The following PRKCE variants were observed in gnomAD, a reference collection of about 807,000 sequenced individuals.
PRKCE encodes protein kinase C epsilon type.
PRKCE carries 16 observed loss-of-function variants against 85.4 expected under a neutral mutation model. The ratio of observed to expected loss-of-function variants is 0.19; its 90% CI spans 0.13 to 0.28. PRKCE has a LOEUF of 0.28. PRKCE is among the 10% of genes least tolerant of loss of function. The pLI, the probability that PRKCE is intolerant of heterozygous loss-of-function variation, is 1.00. For missense variants in PRKCE, 573 were observed against 975.2 expected (o/e 0.59, Z 5.49); for synonymous variants, 388 against 371.5 (o/e 1.04, Z -0.51).
intron 2 of PRKCE, among the ~76,000 whole-genome samples, chr2:45,850,848 C>A (rs537939183): frequency 6.6e-6 from 1 of 152,292 alleles, no homozygotes; most frequent in East Asian, 1.9e-4. Flanking sequence ...CCCCCTCATC[C>A]TCCATTTCTT....
At chr2:45,950,190 A>G (rs1700529861) in intron 2 of PRKCE, among the ~76,000 whole-genome samples, 1 of 152,242 alleles carries the variant, frequency 6.6e-6, no homozygotes, top group Admixed American at 6.5e-5. Context: ...GTTTTCTGCA[A>G]AAATGAAATT....
chr2:45,820,306 G>C (rs1249264954), intron 1 of PRKCE, among the ~76,000 whole-genome samples: 1 of 152,164 alleles, frequency 6.6e-6, no homozygotes, highest in Non-Finnish European at 1.5e-5. Context: ...GGACCAGCAA[G>C]AAGGATACGG....
In PRKCE at chr2:45,743,255, T is replaced by A. The variant is rs543076773; in HGVS notation, c.348+90807T>A. 2.6e-5 allele frequency among the ~76,000 whole-genome samples: 4 copies of A among 152,204 alleles called. No homozygotes were observed. The East Asian group carries it at 7.7e-4, about 29-fold the overall frequency. On this transcript the variant is annotated intron_variant, in intron 1 of 14. Coordinates refer to ENST00000306156, the MANE Select transcript of PRKCE (RefSeq NM_005400.3). ...TCTTGAAATTTGCCAAGAGGGTGGA[T>A]CTTAACTATACTCACCATACAAAAA...
At chr2:45,728,964 C>T (rs111730950) in intron 1 of PRKCE, among the ~76,000 whole-genome samples, 22 of 152,120 alleles carry the variant, frequency 1.4e-4, no homozygotes, top group Admixed American at 3.3e-4. Context: ...CTGTGCTGCA[C>T]TGTGTTTGCC....
chr2:46,179,067 C>T (rs1485661999), intron 14 of PRKCE, among the ~76,000 whole-genome samples: 3 of 152,136 alleles, frequency 2.0e-5, no homozygotes, highest in African/African-American at 7.2e-5. Flanking sequence ...CACTATGCTA[C>T]TTGTGCTGTT....
chr2:45,821,811 C>T (rs765874050), intron 1 of PRKCE, among the ~76,000 whole-genome samples: 4 of 152,180 alleles, frequency 2.6e-5, no homozygotes, highest in Admixed American at 6.5e-5. Context: ...GTCCCGATGG[C>T]AGCTGTATTG....
intron 2 of PRKCE, among the ~76,000 whole-genome samples, chr2:45,867,826 G>C (rs1283568523): frequency 6.6e-6 from 1 of 152,124 alleles, no homozygotes; most frequent in Non-Finnish European, 1.5e-5. Context: ...CTTGTGAAAG[G>C]AGCAAAAGAC....
intron 10 of PRKCE, among the ~76,000 whole-genome samples, chr2:46,043,859 T>C (rs1009948660): frequency 6.6e-6 from 1 of 152,226 alleles, no homozygotes; most frequent in Non-Finnish European, 1.5e-5. Flanking sequence ...TAGTGGCTGA[T>C]TGTTTAGGAG....
chr2:45,762,177 T>A (rs141033146), intron 1 of PRKCE, among the ~76,000 whole-genome samples: 3 of 152,354 alleles, frequency 2.0e-5, no homozygotes, highest in Non-Finnish European at 4.4e-5. Context: ...AGGAGAAGCA[T>A]GGCATTTTGT....
intron 2 of PRKCE, among the ~76,000 whole-genome samples, chr2:45,959,056 G>A (rs1173495172): frequency 1.3e-5 from 2 of 151,414 alleles, no homozygotes; most frequent in Non-Finnish European, 2.9e-5. Context: ...TAATTAAGTT[G>A]CGGGTAGTTC....
intron 6 of PRKCE, among the ~76,000 whole-genome samples, chr2:45,993,950 C>T (rs1428040352): frequency 2.0e-5 from 3 of 152,074 alleles, no homozygotes; most frequent in Non-Finnish European, 4.4e-5. Context: ...CACCCCACCC[C>T]CACCTTTAGC....
At chr2:45,833,517 C>T (rs1002617733) in intron 1 of PRKCE, among the ~76,000 whole-genome samples, 1 of 152,216 alleles carries the variant, frequency 6.6e-6, no homozygotes, top group African/African-American at 2.4e-5. Context: ...TCAAGTGCTC[C>T]ACCATCTCCT....
chr2:46,130,905 A>G (rs999172854), intron 11 of PRKCE, among the ~76,000 whole-genome samples: 4 of 152,230 alleles, frequency 2.6e-5, no homozygotes, highest in African/African-American at 9.6e-5. Flanking sequence ...CCATCAGGAT[A>G]CTTCCATGAC....
intron 9 of PRKCE, among the ~76,000 whole-genome samples, chr2:46,009,943 CAT>C (rs1181026741): frequency 5.9e-5 from 9 of 152,180 alleles, no homozygotes; most frequent in Admixed American, 4.6e-4. Context: ...CACATATAAA[CAT>C]ATGAATAACC....
intron 2 of PRKCE, among the ~76,000 whole-genome samples, chr2:45,885,354 G>A (rs1050020818): frequency 2.0e-5 from 3 of 152,038 alleles, no homozygotes; most frequent in Non-Finnish European, 4.4e-5. Flanking sequence ...ATCGACCCTA[G>A]GGAACAGAGC....
At chr2:46,021,357 G>A (rs1706644064) in intron 10 of PRKCE, among the ~76,000 whole-genome samples, 1 of 152,198 alleles carries the variant, frequency 6.6e-6, no homozygotes. Context: ...TAGCCTGACA[G>A]CTCTGCGTAG....
chr2:46,125,376 G>C (rs561385774), intron 11 of PRKCE, among the ~76,000 whole-genome samples: 14 of 152,236 alleles, frequency 9.2e-5, no homozygotes, highest in African/African-American at 3.1e-4. Context: ...AGTGACTTTG[G>C]GGGGACATTT....
chr2:46,064,834 C>T (rs1377883764), intron 10 of PRKCE, among the ~76,000 whole-genome samples: 1 of 152,146 alleles, frequency 6.6e-6, no homozygotes, highest in African/African-American at 2.4e-5. Flanking sequence ...TGATGCTCAT[C>T]CATGGCCTGT....
At chr2:46,111,489 C>T (rs2104227216) in intron 11 of PRKCE, among the ~76,000 whole-genome samples, 1 of 152,250 alleles carries the variant, frequency 6.6e-6, no homozygotes, top group South Asian at 2.1e-4. Context: ...ACAATCATCC[C>T]CTAGTCCTTC....
Sources: gnomAD v4.1 joint callset for allele counts (sites outside exome capture counted in the v4.1 genomes callset) on GRCh38, gnomAD v4.1.1 for gene constraint, MANE v1.5 for transcripts, NCBI Gene and HGNC (gene_info 2026-07-23, HGNC 2026-07-21) for gene names.